The following GRID1 variants were observed in gnomAD, a reference collection of about 807,000 sequenced individuals.
GRID1 encodes glutamate receptor ionotropic, delta-1.
A neutral mutation model predicts 98.0 loss-of-function variants in GRID1; 28 were observed. That is an observed-to-expected ratio of 0.29 (90% CI 0.21 to 0.39). GRID1 has a LOEUF of 0.39. GRID1 is among the 10% of genes least tolerant of loss of function. The pLI is 1.00. For synonymous variants in GRID1, 553 were observed against 538.5 expected (o/e 1.03, Z -0.37); for missense variants, 1,111 against 1,340.5 (o/e 0.83, Z 2.67).
intron 3 of GRID1, among the ~76,000 whole-genome samples, chr10:86,165,506 T>C (rs1207900436): frequency 6.6e-6 from 1 of 152,154 alleles, no homozygotes; most frequent in African/African-American, 2.4e-5. Flanking sequence ...GGGGAGGTGT[T>C]GAGCCAGGGC....
intron 13 of GRID1, among the ~76,000 whole-genome samples, chr10:85,628,195 ATG>A (rs1403300618): frequency 6.6e-6 from 1 of 151,542 alleles, no homozygotes; most frequent in African/African-American, 2.4e-5. Flanking sequence ...GTGCATGGGA[ATG>A]TGTGTGTGTA....
rs952768512 is a variant in GRID1 at position 86,212,317 on chromosome 10, T to C, written c.236-5669A>G. Among the ~76,000 whole-genome samples, 4 of 152,322 alleles carry C rather than the reference T, an allele frequency of 2.6e-5. No individual in the cohort carries two copies. In the East Asian group the frequency reaches 7.7e-4, roughly 29 times the overall value. ...TCTGCCCATGCAGCCCCTGCAACTCTGAGGTCCCAAGCCCCCTCAACCGGC... is the reference window on the plus strand; with the variant it reads ...TCTGCCCATGCAGCCCCTGCAACTCCGAGGTCCCAAGCCCCCTCAACCGGC... On this transcript the variant is annotated intron_variant, in intron 2 of 15. Transcript: ENST00000327946.
intron 4 of GRID1, among the ~76,000 whole-genome samples, chr10:86,043,084 G>C (rs1843370167): frequency 6.6e-6 from 1 of 151,848 alleles, no homozygotes. Flanking sequence ...GCAAGACTGA[G>C]TTTCCAAAAA....
chr10:85,831,494 T>C (rs1278454242), intron 8 of GRID1, among the ~76,000 whole-genome samples: 2 of 151,842 alleles, frequency 1.3e-5, no homozygotes, highest in African/African-American at 2.4e-5. Context: ...ACAACCACAA[T>C]ATGAAACAAT....
intron 2 of GRID1, among the ~76,000 whole-genome samples, chr10:86,271,414 G>A (rs1389852715): frequency 6.6e-6 from 1 of 152,116 alleles, no homozygotes; most frequent in African/African-American, 2.4e-5. Flanking sequence ...GGTATGTAGA[G>A]AAGCAGGAAA....
intron 4 of GRID1, among the ~76,000 whole-genome samples, chr10:86,035,393 A>G (rs1843246520): frequency 6.6e-6 from 1 of 152,230 alleles, no homozygotes; most frequent in South Asian, 2.1e-4. Context: ...AAGGGTGTCT[A>G]TTTTAAATTT....
chr10:85,718,484 G>A (rs1001979257), intron 12 of GRID1, among the ~76,000 whole-genome samples: 6 of 152,208 alleles, frequency 3.9e-5, no homozygotes, highest in African/African-American at 9.7e-5. Context: ...GCATCCAGGC[G>A]TTTCTATACA....
chr10:85,971,762 C>A (rs953875251), intron 4 of GRID1, among the ~76,000 whole-genome samples: 4 of 152,110 alleles, frequency 2.6e-5, no homozygotes, highest in Non-Finnish European at 5.9e-5. Context: ...TTCCTGCAAT[C>A]ATTTTGGGAT....
At chr10:86,143,031 C>T (rs1845032115) in intron 3 of GRID1, among the ~76,000 whole-genome samples, 1 of 152,222 alleles carries the variant, frequency 6.6e-6, no homozygotes, top group Non-Finnish European at 1.5e-5. Flanking sequence ...CCAGCAGCCC[C>T]TAATGGGACT....
chr10:86,107,865 G>A (rs1844415419), intron 4 of GRID1, among the ~76,000 whole-genome samples: 2 of 152,048 alleles, frequency 1.3e-5, no homozygotes, highest in Non-Finnish European at 2.9e-5. Flanking sequence ...CCAACTCCAG[G>A]GGAAAACCAT....
At chr10:85,940,569 A>G (rs1841986519) in intron 4 of GRID1, among the ~76,000 whole-genome samples, 1 of 152,222 alleles carries the variant, frequency 6.6e-6, no homozygotes, top group African/African-American at 2.4e-5. Flanking sequence ...CTCTGGAAAT[A>G]TATCTATGGA....
chr10:86,176,855 G>A (rs1255107200), intron 3 of GRID1, among the ~76,000 whole-genome samples: 1 of 152,114 alleles, frequency 6.6e-6, no homozygotes, highest in African/African-American at 2.4e-5. Flanking sequence ...GCTTGAAAAG[G>A]TCAGTGTTCA....
At chr10:85,922,951 C>A (rs1841725582) in intron 4 of GRID1, among the ~76,000 whole-genome samples, 1 of 152,114 alleles carries the variant, frequency 6.6e-6, no homozygotes, top group African/African-American at 2.4e-5. Flanking sequence ...CTCCTTGCCC[C>A]AGCCTTGTCT....
chr10:85,813,082 G>A (rs1842686842), intron 8 of GRID1, among the ~76,000 whole-genome samples: 1 of 151,766 alleles, frequency 6.6e-6, no homozygotes, highest in Non-Finnish European at 1.5e-5. Context: ...AGAAAGATCA[G>A]AGCCTCTAGG....
At chr10:85,940,238 A>G (rs1841982230) in intron 4 of GRID1, among the ~76,000 whole-genome samples, 1 of 152,110 alleles carries the variant, frequency 6.6e-6, no homozygotes, top group Non-Finnish European at 1.5e-5. Context: ...CAGTTGGTTC[A>G]GTCCCCAAGA....
chr10:85,937,184 T>C (rs374352358), intron 4 of GRID1, among the ~76,000 whole-genome samples: 1 of 152,264 alleles, frequency 6.6e-6, no homozygotes, highest in Admixed American at 6.5e-5. Context: ...GCTTAATTAG[T>C]CTGGGGTGTG....
chr10:86,193,800 G>T (rs1016493425), intron 3 of GRID1, among the ~76,000 whole-genome samples: 1 of 151,834 alleles, frequency 6.6e-6, no homozygotes, highest in Non-Finnish European at 1.5e-5. Flanking sequence ...GTCCCTCAGT[G>T]CAGGATACAC....
At chr10:86,258,917 A>G (rs1210669275) in intron 2 of GRID1, among the ~76,000 whole-genome samples, 3 of 152,256 alleles carry the variant, frequency 2.0e-5, no homozygotes, top group Non-Finnish European at 4.4e-5. Flanking sequence ...TCATCACCTC[A>G]ATAGAAAAAT....
At position 86,364,035 on chromosome 10, in the gene GRID1, G is replaced by T; in HGVS notation, c.141C>A (p.Asp47Glu). ...DDRVFQLAVS[D>E]LSLNDDILQS... is the part of the protein sequence containing the mutation. ...GCAGGATGTCATCGTTGAGGCTCAGGTCGGATACCGCCAACTGGAACACCC... is the reference window on the plus strand; with the variant it reads ...GCAGGATGTCATCGTTGAGGCTCAGTTCGGATACCGCCAACTGGAACACCC... Residue 47 changes from aspartate to glutamate, a missense_variant, in exon 2 of 16, where the codon GAC becomes GAA. Around this residue, in one of 3 missense-constraint regions of GRID1, gnomAD observed 346 missense variants for 452.3 expected, o/e 0.76. Coordinates refer to ENST00000327946, the MANE Select transcript of GRID1 (RefSeq NM_017551.3). 1 of 1,613,862 alleles carries T rather than the reference G, an allele frequency of 6.2e-7. No individual in the cohort carries two copies. Among genetic ancestry groups the T allele is most frequent in the South Asian group, 1.1e-5 (1 of 91,078 alleles).
Sources: allele counts gnomAD v4.1 joint callset (sites outside exome capture counted in the v4.1 genomes callset), GRCh38; gene constraint gnomAD v4.1.1; regional missense constraint gnomAD v4.1.1; transcripts MANE v1.5; gene names NCBI Gene and HGNC (gene_info 2026-07-23, HGNC 2026-07-21).